The following JPH3 variants were observed in gnomAD, a reference collection of about 807,000 sequenced individuals.
The protein encoded by JPH3 is junctophilin 3.
JPH3 carries 11 observed loss-of-function variants against 59.6 expected under a neutral mutation model. The ratio of observed to expected loss-of-function variants is 0.18; its 90% CI spans 0.12 to 0.31. The LOEUF is 0.31. Among genes scored for constraint, JPH3 ranks in the 10% least tolerant of loss-of-function variants. The pLI is 1.00. For synonymous variants in JPH3, 673 were observed against 483.6 expected (o/e 1.39, Z -5.14); for missense variants, 1,202 against 1,105.7 (o/e 1.09, Z -1.24).
At chr16:87,660,022 A>C (rs1356412828) in intron 2 of JPH3, among the ~76,000 whole-genome samples, 1 of 152,002 alleles carries the variant, frequency 6.6e-6, no homozygotes, top group African/African-American at 2.4e-5. Flanking sequence ...TGTCACTCCT[A>C]GTGTGGAGGT....
At chr16:87,656,910 C>G (rs4843659) in intron 2 of JPH3, among the ~76,000 whole-genome samples, 105,548 of 152,090 alleles carry the variant, frequency 0.69, 37,216 homozygotes, top group African/African-American at 0.81. Context: ...CCTTCTCGCT[C>G]TGTTCACGGG....
chr16:87,653,627 A>T (rs1047857514), intron 2 of JPH3: 10 of 152,188 alleles, frequency 6.6e-5, no homozygotes, highest in African/African-American at 1.2e-4. Flanking sequence ...AGCGAGACAG[A>T]TGTGTCAGGG....
intron 2 of JPH3, among the ~76,000 whole-genome samples, chr16:87,661,697 C>G (rs759620755): frequency 2.0e-5 from 3 of 152,234 alleles, no homozygotes; most frequent in Non-Finnish European, 4.4e-5. Flanking sequence ...AGCAAAGACC[C>G]GTCCAAGAGC....
At chr16:87,604,669 TCTCATGAAGAAAG>T in intron 1 of JPH3, 1 of 1,155,498 alleles carries the variant, frequency 8.7e-7, no homozygotes, top group Non-Finnish European at 1.1e-6. Context: ...TGCCTCCGAG[TCTCATGAAGAAAG>T]CTCGGAACAC....
chr16:87,667,081 G>A (rs1209170544), intron 2 of JPH3, among the ~76,000 whole-genome samples: 2 of 152,208 alleles, frequency 1.3e-5, no homozygotes, highest in African/African-American at 4.8e-5. Context: ...GCAGCCTCTG[G>A]GGAGGGTCCC....
intron 2 of JPH3, among the ~76,000 whole-genome samples, chr16:87,682,789 C>G (rs897614873): frequency 2.0e-5 from 3 of 152,208 alleles, no homozygotes; most frequent in African/African-American, 7.2e-5. Context: ...GTCATTGTGC[C>G]TCAGTTTCCC....
chr16:87,605,846 A>C (rs1056544495), intron 1 of JPH3, among the ~76,000 whole-genome samples: 6 of 152,158 alleles, frequency 3.9e-5, no homozygotes, highest in African/African-American at 1.2e-4. Flanking sequence ...GATTGTCAAC[A>C]TCCTCTCAAG....
chr16:87,671,966 G>C (rs1277729248), intron 2 of JPH3, among the ~76,000 whole-genome samples: 1 of 152,210 alleles, frequency 6.6e-6, no homozygotes, highest in East Asian at 1.9e-4. Flanking sequence ...GGGGGTGGCC[G>C]CACCCAGCCT....
intron 3 of JPH3, among the ~76,000 whole-genome samples, chr16:87,684,722 C>G (rs1223217395): frequency 6.6e-6 from 1 of 152,236 alleles, no homozygotes; most frequent in Non-Finnish European, 1.5e-5. Flanking sequence ...ATTAAACACA[C>G]CCAGTGGCTG....
At chr16:87,677,225 C>CAAAAA (rs59575544) in intron 2 of JPH3, among the ~76,000 whole-genome samples, 7 of 81,642 alleles carry the variant, frequency 8.6e-5, no homozygotes, top group African/African-American at 3.0e-4. Context: ...CACACACACA[C>CAAAAA]AAAAAAAAAA....
At position 87,689,955 on chromosome 16, in the gene JPH3, G is replaced by T. The variant is rs995549378; in HGVS notation, c.1595G>T (p.Gly532Val). The stretch of plus-strand genomic sequence containing the variant: ...GGGGACTGCGCCCGCAGCAGCTGGG[G>T]CGAGGAGCAGGCCGGGGGCTCCAGG... The part of the protein sequence containing the change: ...RAGDCARSSW[G>V]EEQAGGSRGV... The change falls in exon 4 of 5, where the codon GGC (glycine) becomes GTC (valine). Residue 532 changes from glycine (G) to valine (V), a missense_variant. Coordinates refer to ENST00000284262, the MANE Select transcript of JPH3 (RefSeq NM_020655.4). 3 of 1,450,902 alleles carry T rather than the reference G, an allele frequency of 2.1e-6. No individual in the cohort carries two copies. Among genetic ancestry groups the T allele is most frequent in the Non-Finnish European group, 2.7e-6 (3 of 1,105,256 alleles). 89.9% of individuals were successfully genotyped at this position (1,450,902 alleles called of 1,614,324 possible). A position where few individuals can be genotyped will look rare whatever the true frequency, so the allele number is the denominator to read the frequency against.
Sources: gnomAD v4.1 joint callset for allele counts (sites outside exome capture counted in the v4.1 genomes callset) on GRCh38, gnomAD v4.1.1 for gene constraint, MANE v1.5 for transcripts, NCBI Gene and HGNC (gene_info 2026-07-23, HGNC 2026-07-21) for gene names.